DOCK11: variants seen among roughly 807,000 people sequenced by gnomAD.
DOCK11 encodes the protein dedicator of cytokinesis 11, also known as dedicator of cytokinesis protein 11.
Under a neutral mutation model 169.1 loss-of-function variants are expected in DOCK11, and 70 were observed. The ratio of observed to expected loss-of-function variants is 0.41; its 90% CI spans 0.34 to 0.51. The LOEUF (loss-of-function observed/expected upper bound fraction) is 0.51. Among genes scored for constraint, DOCK11 ranks in the 20% least tolerant of loss-of-function variants. The probability of loss-of-function intolerance (pLI) is 0.10; values close to 1 mark genes in which losing one functional copy is unlikely to be tolerated. For missense variants in DOCK11, 1,166 were observed against 1,538.8 expected, an observed-to-expected ratio of 0.76 and a Z score of 4.05; for synonymous variants, 529 against 541.3, an observed-to-expected ratio of 0.98 and a Z score of 0.32.
chrX:118,523,124 A>C (rs188283056), intron 1 of DOCK11, among the ~76,000 whole-genome samples: 1 of 112,740 alleles, frequency 8.9e-6, no homozygotes, highest in African/African-American at 3.2e-5. Context: ...TTAGAAGCAT[A>C]ATAGAGAAGA....
chrX:118,511,093 G>T (rs1901968990), intron 1 of DOCK11, among the ~76,000 whole-genome samples: 1 of 112,067 alleles, frequency 8.9e-6, no homozygotes, highest in Admixed American at 9.5e-5. Context: ...GATGTGGATT[G>T]CATTTCCTAT....
chrX:118,535,402 G>A (rs1181776631), intron 1 of DOCK11, among the ~76,000 whole-genome samples: 2 of 111,736 alleles, frequency 1.8e-5, no homozygotes, highest in Non-Finnish European at 3.8e-5. Flanking sequence ...GATATAAAAC[G>A]CTTAACCGAG....
intron 40 of DOCK11, among the ~76,000 whole-genome samples, chrX:118,648,234 A>G (rs1268333482): frequency 5.8e-5 from 5 of 85,980 alleles, no homozygotes; most frequent in African/African-American, 2.2e-4. Flanking sequence ...AATATAATAT[A>G]TATATAAAAG....
chrX:118,576,939 T>C (rs1280587400), intron 12 of DOCK11, among the ~76,000 whole-genome samples: 1 of 112,259 alleles, frequency 8.9e-6, no homozygotes, highest in Admixed American at 9.4e-5. Context: ...AGTATTACTG[T>C]TCTAATCAGG....
intron 41 of DOCK11, among the ~76,000 whole-genome samples, chrX:118,650,836 G>A: frequency 8.9e-6 from 1 of 111,844 alleles, no homozygotes; most frequent in Non-Finnish European, 1.9e-5. Flanking sequence ...CACATAATAA[G>A]TGCTCAATAA....
chrX:118,545,558 TTAC>T, intron 5 of DOCK11, among the ~76,000 whole-genome samples, 166 bp downstream of exon 5: 2 of 111,705 alleles, frequency 1.8e-5, no homozygotes, highest in South Asian at 7.5e-4. Flanking sequence ...TTTTTTTTAA[TTAC>T]TGTATTTCCA....
rs187638981 is a variant in DOCK11, at chrX:118,588,324, A to G, written c.1980+3A>G. 521 of 1,162,351 alleles carry G rather than the reference A, an allele frequency of 4.5e-4. 6 individuals are homozygous for G. In the East Asian group the frequency reaches 0.015, roughly 34 times the overall value. Reference sequence around the variant, plus strand: ...ATAGCCAGAAAACATTTGCCAAGGTAACCATGTAAACTATACATTTTTGGA... The same window carrying G: ...ATAGCCAGAAAACATTTGCCAAGGTGACCATGTAAACTATACATTTTTGGA... On this transcript the variant is annotated splice_donor_region_variant and intron_variant, in intron 17 of 52. Transcript: ENST00000276202.
chrX:118,614,607 T>G (rs2014763341), intron 28 of DOCK11, 85 bp from the exon 29 acceptor site: 1 of 706,442 alleles, frequency 1.4e-6, no homozygotes. Flanking sequence ...TGGAACCAAT[T>G]TTGAATTTTT....
intron 50 of DOCK11, 140 bp downstream of exon 50, chrX:118,681,388 T>A: frequency 1.6e-6 from 1 of 613,228 alleles, no homozygotes; most frequent in Non-Finnish European, 2.4e-6. Flanking sequence ...TTTGTTCATT[T>A]AATGAAGATA....
chrX:118,510,696 C>T (rs931201783), intron 1 of DOCK11, among the ~76,000 whole-genome samples: 1 of 111,276 alleles, frequency 9.0e-6, no homozygotes, highest in Non-Finnish European at 1.9e-5. Flanking sequence ...GCCACAAGTC[C>T]CAAGATACCT....
chrX:118,632,157 G>A lies in DOCK11; in HGVS notation c.3886+1667G>A, dbSNP rs1461055623. On this transcript the variant is annotated intron_variant, in intron 35 of 52. Transcript: ENST00000276202. ...TTTAGTAGAGATGGGGTTTCACGGT[G>A]TTAGCCAGGATGGTCTCGATCTCCT... Among the ~76,000 whole-genome samples the A allele has an allele frequency of 2.7e-5, 3 of 110,902 alleles. No individual in the cohort carries two copies. The Admixed American group carries it at 2.9e-4, about 11-fold the overall frequency.
chrX:118,536,634 T>A (rs1003627108), intron 1 of DOCK11, among the ~76,000 whole-genome samples: 2 of 111,879 alleles, frequency 1.8e-5, no homozygotes, highest in African/African-American at 6.5e-5. Context: ...GAAGAAGATA[T>A]GGCTATCAAA....
chrX:118,651,492 AGGTAAACCCT>A lies in DOCK11; in HGVS notation c.4582-468_4582-459del, dbSNP rs1440458425. The stretch of plus-strand genomic sequence containing the variant: ...CCATTCCATAAACTTCTGTTAAACT[AGGTAAACCCT>A]GGTCAAAAACAAAGAAAGTTGCTGA... On this transcript the variant is annotated intron_variant, in intron 41 of 52. Transcript: ENST00000276202. 5.4e-5 allele frequency among the ~76,000 whole-genome samples: 6 copies of A among 111,872 alleles called. No individual in the cohort carries two copies. In the Admixed American group the frequency reaches 5.7e-4, roughly 11 times the overall value.
intron 32 of DOCK11, among the ~76,000 whole-genome samples, chrX:118,627,279 C>T (rs1373305588): frequency 1.8e-5 from 2 of 109,716 alleles, no homozygotes; most frequent in African/African-American, 3.3e-5. Context: ...CCAGTTGCAG[C>T]TATCTAGAAT....
At chrX:118,624,491 ATATATACATAT>A (rs2015048402) in intron 31 of DOCK11, 37 bp from the exon 32 acceptor site, 2 of 799,333 alleles carry the variant, frequency 2.5e-6, no homozygotes, top group African/African-American at 4.2e-5. Context: ...TTTATTTGTA[ATATATACATAT>A]TATATACGTA....
intron 1 of DOCK11, chrX:118,538,795 G>A (rs2011852344): frequency 3.1e-6 from 1 of 324,870 alleles, no homozygotes; most frequent in Non-Finnish European, 4.0e-6. Context: ...AAAGCTGAAA[G>A]AAAGACCCTC....
chrX:118,600,825 C>T (rs1051998492), intron 23 of DOCK11, among the ~76,000 whole-genome samples: 17 of 110,462 alleles, frequency 1.5e-4, no homozygotes, highest in African/African-American at 5.6e-4. Flanking sequence ...CCCCGAGGAG[C>T]TTGGCTTGGT....
At chrX:118,555,731 T>TC (rs1458763748) in intron 6 of DOCK11, among the ~76,000 whole-genome samples, 2 of 110,763 alleles carry the variant, frequency 1.8e-5, no homozygotes, top group Non-Finnish European at 3.8e-5. Context: ...GTGGTTTTTT[T>TC]CCCCATTGTT....
At chrX:118,681,616 T>TAA in intron 50 of DOCK11, 78 bp from the exon 51 acceptor site, 1 of 764,126 alleles carries the variant, frequency 1.3e-6, no homozygotes, top group South Asian at 4.2e-5. Context: ...GGATTTTTAA[T>TAA]AAAAAAGAGA....
Sources: allele counts gnomAD v4.1 joint callset (sites outside exome capture counted in the v4.1 genomes callset), GRCh38; gene constraint gnomAD v4.1.1; transcripts MANE v1.5; gene names NCBI Gene and HGNC (gene_info 2026-07-23, HGNC 2026-07-21).